The following ADTRP variants were observed in gnomAD, a reference collection of about 807,000 sequenced individuals.
The protein encoded by ADTRP is androgen-dependent TFPI-regulating protein.
A neutral mutation model predicts 27.0 loss-of-function variants in ADTRP; 20 were observed. That is an observed-to-expected ratio of 0.74 (90% CI 0.52 to 1.08). ADTRP has a LOEUF of 1.08. Among genes scored for constraint, ADTRP ranks in the 50% least tolerant of loss-of-function variants. The pLI, the probability that ADTRP is intolerant of heterozygous loss-of-function variation, is 0.00. For synonymous variants in ADTRP, 101 were observed against 105.2 expected (o/e 0.96, Z 0.25); for missense variants, 251 against 275.0 (o/e 0.91, Z 0.62).
intron 3 of ADTRP, among the ~76,000 whole-genome samples, chr6:11,751,947 AT>A (rs1763068839): frequency 6.6e-6 from 1 of 152,168 alleles, no homozygotes; most frequent in Non-Finnish European, 1.5e-5. Flanking sequence ...AATCCATCCT[AT>A]TAATCTGGTT....
chr6:11,746,593 G>T (rs1349228074), intron 3 of ADTRP, among the ~76,000 whole-genome samples: 1 of 152,148 alleles, frequency 6.6e-6, no homozygotes, highest in African/African-American at 2.4e-5. Flanking sequence ...CTTGATTTAA[G>T]AAATAGGCAA....
At chr6:11,764,544 C>CT (rs58611275) in intron 3 of ADTRP, among the ~76,000 whole-genome samples, 126 of 146,102 alleles carry the variant, frequency 8.6e-4, no homozygotes, top group African/African-American at 2.0e-3. Flanking sequence ...GATGAGGATT[C>CT]TTTTTTTTTT....
At chr6:11,756,161 G>A (rs563399828) in intron 3 of ADTRP, among the ~76,000 whole-genome samples, 35 of 152,168 alleles carry the variant, frequency 2.3e-4, no homozygotes, top group African/African-American at 8.4e-4. Flanking sequence ...TGGGTCGCTT[G>A]AGCTCAGGAA....
intron 3 of ADTRP, among the ~76,000 whole-genome samples, chr6:11,754,319 G>T (rs1332977033): frequency 1.3e-5 from 2 of 152,202 alleles, no homozygotes; most frequent in Admixed American, 6.5e-5. Flanking sequence ...GACAGAAAGG[G>T]GATGAAGCTA....
chr6:11,774,938 C>T (rs1275358793), intron 1 of ADTRP, among the ~76,000 whole-genome samples: 1 of 152,188 alleles, frequency 6.6e-6, no homozygotes, highest in Non-Finnish European at 1.5e-5. Context: ...TGAGGACACC[C>T]ATGGCACTGC....
chr6:11,773,544 G>A (rs1011829465), intron 1 of ADTRP, among the ~76,000 whole-genome samples: 1 of 152,214 alleles, frequency 6.6e-6, no homozygotes, highest in African/African-American at 2.4e-5. Flanking sequence ...AGGCAGCAAC[G>A]CCAGGGAGGG....
chr6:11,732,358 T>G (rs1762416237), intron 4 of ADTRP, among the ~76,000 whole-genome samples: 1 of 152,210 alleles, frequency 6.6e-6, no homozygotes, highest in South Asian at 2.1e-4. Flanking sequence ...GTTATGCCAT[T>G]TCCCCATTTG....
At chr6:11,725,646 G>A (rs960973104) in intron 4 of ADTRP, among the ~76,000 whole-genome samples, 1 of 152,080 alleles carries the variant, frequency 6.6e-6, no homozygotes, top group Non-Finnish European at 1.5e-5. Flanking sequence ...AATTAAAATA[G>A]AATTACCATC....
chr6:11,734,629 A>G (rs932345), intron 4 of ADTRP, among the ~76,000 whole-genome samples: 52,194 of 151,984 alleles, frequency 0.34, 9,979 homozygotes, highest in Non-Finnish European at 0.44. Context: ...TCTGGGCACC[A>G]AGTTTATTTG....
chr6:11,766,783 A>G (rs940643099), intron 2 of ADTRP, among the ~76,000 whole-genome samples: 5 of 152,160 alleles, frequency 3.3e-5, no homozygotes, highest in African/African-American at 1.2e-4. Context: ...TCCACCCTCT[A>G]AATAGGCATG....
At chr6:11,771,509 G>A (rs1763780181) in intron 1 of ADTRP, among the ~76,000 whole-genome samples, 5 of 152,234 alleles carry the variant, frequency 3.3e-5, no homozygotes, top group African/African-American at 4.8e-5. Flanking sequence ...AGCAGGGACA[G>A]GTGTGGATCA....
At chr6:11,717,415 C>G (rs1435674526) in intron 5 of ADTRP, 14 of 1,304,118 alleles carry the variant, frequency 1.1e-5, no homozygotes, top group Non-Finnish European at 1.4e-5. Flanking sequence ...TGAACAGAAA[C>G]TGCAGGCATG....
chr6:11,733,018 A>G (rs138607288), intron 4 of ADTRP, among the ~76,000 whole-genome samples: 2 of 152,312 alleles, frequency 1.3e-5, no homozygotes, highest in Admixed American at 6.5e-5. Flanking sequence ...CCAGCTTTGC[A>G]TCTCTACCCC....
chr6:11,729,709 G>T (rs576469749), intron 4 of ADTRP, among the ~76,000 whole-genome samples: 2 of 152,246 alleles, frequency 1.3e-5, no homozygotes, highest in Non-Finnish European at 2.9e-5. Context: ...GAATTGACTT[G>T]AGGGCCTTAA....
At chr6:11,742,079 C>CCT (rs1762736874) in intron 3 of ADTRP, among the ~76,000 whole-genome samples, 1 of 151,244 alleles carries the variant, frequency 6.6e-6, no homozygotes, top group African/African-American at 2.4e-5. Context: ...TATTTTGGTA[C>CCT]ATATAATCAG....
At chr6:11,766,474 C>A in intron 2 of ADTRP, 99 bp from the exon 3 acceptor site, 1 of 809,928 alleles carries the variant, frequency 1.2e-6, no homozygotes, top group South Asian at 1.7e-5. Flanking sequence ...AACAGACAAC[C>A]ATTTTAAAGA....
At chr6:11,768,724 T>C (rs1763654073) in intron 1 of ADTRP, among the ~76,000 whole-genome samples, 1 of 151,920 alleles carries the variant, frequency 6.6e-6, no homozygotes, top group South Asian at 2.1e-4. Context: ...AAGAACCAAA[T>C]AAACAGCTCA....
At position 11,775,332 on chromosome 6, in the gene ADTRP, C is replaced by T. The variant is rs564921537; in HGVS notation, c.153+3275G>A. 3.9e-5 allele frequency among the ~76,000 whole-genome samples: 6 copies of T among 152,252 alleles called. No homozygotes were observed. The East Asian group carries it at 9.7e-4, about 25-fold the overall frequency. On this transcript the variant is annotated intron_variant, in intron 1 of 5. Coordinates refer to ENST00000414691, the MANE Select transcript of ADTRP (RefSeq NM_032744.4). ...CCTGCTGACGCCATTCTGAGCGCTT[C>T]CCACCTGTCAGATCATTTCTCCCCC...
intron 4 of ADTRP, among the ~76,000 whole-genome samples, chr6:11,731,810 T>C (rs993068398): frequency 1.3e-5 from 2 of 152,210 alleles, no homozygotes; most frequent in South Asian, 4.1e-4. Flanking sequence ...ATAATTTGTA[T>C]GCATGGGTCA....
Sources: allele counts gnomAD v4.1 joint callset (sites outside exome capture counted in the v4.1 genomes callset), GRCh38; gene constraint gnomAD v4.1.1; transcripts MANE v1.5; gene names NCBI Gene and HGNC (gene_info 2026-07-23, HGNC 2026-07-21).